Variants in KDM5B observed in about 807,000 individuals in gnomAD.
KDM5B encodes the protein lysine demethylase 5B.
Under a neutral mutation model 193.4 loss-of-function variants are expected in KDM5B, and 144 were observed. The observed-to-expected ratio is 0.74, with a 90% CI of 0.65 to 0.86. The LOEUF (loss-of-function observed/expected upper bound fraction) is 0.86. Ranked by LOEUF, KDM5B falls within the 40% of genes least tolerant of loss-of-function variation. The pLI, the probability that KDM5B is intolerant of heterozygous loss-of-function variation, is 0.00. For missense variants in KDM5B, 1,833 were observed against 1,886.9 expected (o/e 0.97, Z 0.53); for synonymous variants, 668 against 682.6 (o/e 0.98, Z 0.33).
At chr1:202,807,531 G>A (rs933707296) in intron 1 of KDM5B, among the ~76,000 whole-genome samples, 3 of 152,024 alleles carry the variant, frequency 2.0e-5, no homozygotes. Context: ...GGTCTGGAGG[G>A]TGGGGCGCCC....
intron 25 of KDM5B, among the ~76,000 whole-genome samples, chr1:202,730,612 T>C (rs1654848262): frequency 6.6e-6 from 1 of 152,238 alleles, no homozygotes; most frequent in African/African-American, 2.4e-5. Context: ...AGTTCTTCCC[T>C]AATTTGGCTT....
intron 5 of KDM5B, among the ~76,000 whole-genome samples, chr1:202,764,410 G>A (rs1656366399): frequency 6.6e-6 from 1 of 152,160 alleles, no homozygotes; most frequent in Non-Finnish European, 1.5e-5. Context: ...GCTGAGGCAG[G>A]CAGATCACTT....
chr1:202,767,205 T>C (rs917483314), intron 4 of KDM5B, 145 bp from the exon 5 acceptor site: 3 of 1,560,416 alleles, frequency 1.9e-6, no homozygotes, highest in Non-Finnish European at 1.8e-6. Flanking sequence ...TTCATATCTG[T>C]TAAATGGAGG....
At chr1:202,787,909 T>G (rs1657477842) in intron 1 of KDM5B, among the ~76,000 whole-genome samples, 1 of 151,038 alleles carries the variant, frequency 6.6e-6, no homozygotes, top group African/African-American at 2.4e-5. Flanking sequence ...AAAAAAAAAT[T>G]ATGTGAAGTA....
rs556115385 is a variant in KDM5B at position 202,751,496 on chromosome 1, G to A, written c.1702-718C>T. 3.3e-5 allele frequency among the ~76,000 whole-genome samples: 5 copies of A among 152,206 alleles called. No homozygotes were observed. The South Asian group carries it at 1.0e-3, about 32-fold the overall frequency. ...AGTAATACGGCCTTCAGGGTTCTGTGTAAAGACTACTACCCATCACAGGAA... is the reference window on the plus strand; with the variant it reads ...AGTAATACGGCCTTCAGGGTTCTGTATAAAGACTACTACCCATCACAGGAA... On this transcript the variant is annotated intron_variant, in intron 12 of 26. Coordinates refer to ENST00000367265, the MANE Select transcript of KDM5B (RefSeq NM_006618.5).
Position 202,758,459 on chromosome 1 carries a change from A to C in KDM5B, c.1129T>G (p.Tyr377Asp). ...AFGFEQAARD[Y>D]TLRTFGEMAD... Reference sequence around the variant, plus strand: ...ATTTCCCCAAAAGTACGGAGGGTATAGTCCCTGGCTGCTTGTTCAAAGCCA... The same window carrying C: ...ATTTCCCCAAAAGTACGGAGGGTATCGTCCCTGGCTGCTTGTTCAAAGCCA... The change falls in exon 9 of 27, where the codon TAT becomes GAT. Residue 377 changes from tyrosine to aspartate, a missense_variant. Tyr to Asp is a radical substitution (Grantham distance 160, BLOSUM62 -3). Transcript: ENST00000367265. 1 of 1,612,450 alleles carries C rather than the reference A, an allele frequency of 6.2e-7. No homozygotes were observed. The highest frequency in any genetic ancestry group is 8.5e-7 in the Non-Finnish European group (1 of 1,178,794).
chr1:202,777,245 C>CATGG, intron 1 of KDM5B, 151 bp from the exon 2 acceptor site: 1 of 597,244 alleles, frequency 1.7e-6, no homozygotes, highest in Admixed American at 2.9e-5. Flanking sequence ...ACCTTTTGTC[C>CATGG]ATGAGAGCAG....
chr1:202,765,721 T>C (rs1227960655), intron 5 of KDM5B, among the ~76,000 whole-genome samples: 1 of 152,240 alleles, frequency 6.6e-6, no homozygotes, highest in Non-Finnish European at 1.5e-5. Context: ...AACTATTCTC[T>C]TATTTATCTA....
Position 202,729,084 on chromosome 1 carries a change from GTCT to G in KDM5B, c.4584_4586del (p.Glu1528del), listed in dbSNP as rs2102205725. On this transcript the variant is annotated inframe_deletion, in exon 27 of 27. Transcript: ENST00000367265. Reference sequence around the variant, plus strand: ...TCACAGTACAGCGCACACAGATGTAGTCTTCTTTCTCTGCCATCTCTGGGGAGA... The same window carrying G: ...TCACAGTACAGCGCACACAGATGTAGTCTTTCTCTGCCATCTCTGGGGAGA... The G allele has an allele frequency of 1.2e-6, 2 of 1,614,124 alleles. No homozygotes were observed. The highest frequency in any genetic ancestry group is 1.7e-6 in the Non-Finnish European group (2 of 1,180,006).
rs1181622105 is a variant in KDM5B, at chr1:202,745,778, A to C, written c.2323+80T>G. 5.3e-6 allele frequency: 8 copies of C among 1,514,596 alleles called. No individual in the cohort carries two copies. In the African/African-American group the frequency reaches 5.5e-5, roughly 10 times the overall value. The allele number at this position is 1,514,596 out of a possible 1,614,324, so 93.8% of individuals were successfully genotyped here. A position where few individuals can be genotyped will look rare whatever the true frequency, so the allele number is the denominator to read the frequency against. On this transcript the variant is annotated intron_variant, in intron 16 of 26. Coordinates refer to ENST00000367265, the MANE Select transcript of KDM5B (RefSeq NM_006618.5). ...GGATGAGGTCAGGCTGTTTCAAGAA[A>C]TGTTTTGTTGACTTTAATTTGGCTA...
chr1:202,742,756 GA>G lies in KDM5B; in HGVS notation c.2372del (p.Phe791SerfsTer12), dbSNP rs1161656437. The G allele has an allele frequency of 6.2e-7, 1 of 1,614,084 alleles. No individual in the cohort carries two copies. Among genetic ancestry groups the G allele is most frequent in the South Asian group, 1.1e-5 (1 of 91,074 alleles). On this transcript the variant is annotated frameshift_variant, in exon 17 of 27. Transcript: ENST00000367265. LOFTEE classifies it high-confidence loss of function. ...GGTGTCGCAAAAGATCATTGTCTGG[GA>G]ATTTCTTCATTTCAGATTCTTCAAT... ...ALIEESEMKKFPDNDLLRHLR... is the reference protein window; with the variant it reads ...ALIEESEMKKXPDNDLLRHLR...
At chr1:202,740,482 C>T (rs1442243888) in intron 20 of KDM5B, among the ~76,000 whole-genome samples, 192 bp downstream of exon 20, 5 of 139,952 alleles carry the variant, frequency 3.6e-5, no homozygotes, top group Admixed American at 1.4e-4. Context: ...CCCTCCCGGA[C>T]GGGGCGGCTG....
chr1:202,745,916 G>T lies in KDM5B; in HGVS notation c.2265C>A (p.Tyr755Ter), dbSNP rs746837045. 9.3e-6 allele frequency: 15 copies of T among 1,613,930 alleles called. No homozygotes were observed. The highest frequency in any genetic ancestry group is 1.7e-5 in the Admixed American group (1 of 60,014). The change falls in exon 16 of 27, where the codon TAC (tyrosine) becomes TAA (stop). Residue 755 changes from tyrosine to a stop codon, truncating the protein, a stop_gained. Transcript: ENST00000367265. LOFTEE classifies it high-confidence loss of function. ...MNALKLRAESYNEWALNVNEA... is the reference protein window; with the variant it reads ...MNALKLRAES ...CATTCACATTCAAGGCCCATTCGTT[G>T]TAAGATTCTGCTCGAAGCTTCAATG...
intron 1 of KDM5B, among the ~76,000 whole-genome samples, chr1:202,791,847 T>C (rs1174067391): frequency 1.3e-5 from 2 of 152,092 alleles, no homozygotes; most frequent in Non-Finnish European, 2.9e-5. Context: ...GCCTCTGGAG[T>C]AGCTGGGACT....
chr1:202,788,074 C>A (rs1300564902), intron 1 of KDM5B, among the ~76,000 whole-genome samples: 1 of 152,104 alleles, frequency 6.6e-6, no homozygotes. Context: ...TCTGTCCTTC[C>A]AAAGAACTCT....
Position 202,740,190 on chromosome 1 carries a change from C to T in KDM5B, c.3084+484G>A, listed in dbSNP as rs1313718928. 6.1e-5 allele frequency among the ~76,000 whole-genome samples: 9 copies of T among 147,740 alleles called. No individual in the cohort carries two copies. The East Asian group carries it at 8.2e-4, about 14-fold the overall frequency. ...CCCAGTAGGGGCGGCCGGGCAGAGG[C>T]GCCCCTCACCTCCCGGACGGGGCGG... On this transcript the variant is annotated intron_variant, in intron 20 of 26. Transcript: ENST00000367265.
At chr1:202,767,232 T>C in intron 4 of KDM5B, 172 bp from the exon 5 acceptor site, 3 of 1,580,902 alleles carry the variant, frequency 1.9e-6, no homozygotes, top group Non-Finnish European at 2.6e-6. Context: ...AACACCCTTA[T>C]GTTTTAAGCA....
At position 202,751,919 on chromosome 1, in the gene KDM5B, A is replaced by C. The variant is rs1021845932; in HGVS notation, c.1701+986T>G. 2.0e-5 allele frequency among the ~76,000 whole-genome samples: 3 copies of C among 152,136 alleles called. No individual in the cohort carries two copies. The East Asian group carries it at 5.8e-4, about 29-fold the overall frequency. The stretch of plus-strand genomic sequence containing the variant: ...AAAAATATTATGAGAAGAAATACCA[A>C]CTATGAGGAGATGGTGAGATTGTGG... On this transcript the variant is annotated intron_variant, in intron 12 of 26. Transcript: ENST00000367265.
chr1:202,779,201 AT>A (rs1391457525), intron 1 of KDM5B, among the ~76,000 whole-genome samples: 2 of 152,144 alleles, frequency 1.3e-5, no homozygotes, highest in Non-Finnish European at 2.9e-5. Flanking sequence ...TTTAAACTCA[AT>A]TTTATACCAA....
Sources: gnomAD v4.1 joint callset for allele counts (sites outside exome capture counted in the v4.1 genomes callset) on GRCh38, gnomAD v4.1.1 for gene constraint, MANE v1.5 for transcripts, NCBI Gene and HGNC (gene_info 2026-07-23, HGNC 2026-07-21) for gene names.